LIMS1: variants seen among roughly 807,000 people sequenced by gnomAD.
The protein encoded by LIMS1 is LIM zinc finger domain containing 1.
Under a neutral mutation model 44.1 loss-of-function variants are expected in LIMS1, and 18 were observed. The observed-to-expected ratio is 0.41, with a 90% CI of 0.28 to 0.61. The LOEUF (loss-of-function observed/expected upper bound fraction) is 0.61. LIMS1 is among the 20% of genes least tolerant of loss of function. The pLI, the probability that LIMS1 is intolerant of heterozygous loss-of-function variation, is 0.32. For missense variants in LIMS1, 201 were observed against 422.0 expected (o/e 0.48, Z 4.59); for synonymous variants, 93 against 149.1 (o/e 0.62, Z 2.74).
chr2:108,613,904 A>G (rs2577600), intron 1 of LIMS1, among the ~76,000 whole-genome samples: 94,817 of 151,610 alleles, frequency 0.63, 30,252 homozygotes, highest in East Asian at 0.97. Context: ...CCCTGCTGTC[A>G]GCATCCACTC....
exon 10 of LIMS1, chr2:108,685,187 A>C (rs775437824): frequency 2.6e-5 from 4 of 152,146 alleles, no homozygotes; most frequent in African/African-American, 7.2e-5. Context: ...AATTTGATTT[A>C]TTTACTGTAA....
At position 108,534,822 on chromosome 2, in the gene LIMS1, C is replaced by T. The variant is rs552162882; in HGVS notation, c.32+228C>T. ...TCCCGGGTGTCCGCGGTGGCACAGG[C>T]GCTGACGCCGCCCCGCTGCTCCGAG... On this transcript the variant is annotated intron_variant, in intron 1 of 9. Transcript: ENST00000544547. 1.3e-3 allele frequency among the ~76,000 whole-genome samples: 205 copies of T among 151,966 alleles called. 1 individual carries two copies. The highest frequency in any genetic ancestry group is 4.7e-3 in the African/African-American group (193 of 41,498).
chr2:108,602,794 T>G, intron 1 of LIMS1, among the ~76,000 whole-genome samples: 1 of 152,176 alleles, frequency 6.6e-6, no homozygotes, highest in East Asian at 1.9e-4. Flanking sequence ...TGAGACAGGG[T>G]CTTGCTGTGT....
At chr2:108,583,335 G>A (rs1308641890) in intron 1 of LIMS1, among the ~76,000 whole-genome samples, 1 of 151,912 alleles carries the variant, frequency 6.6e-6, no homozygotes, top group African/African-American at 2.4e-5. Context: ...AAATCACCAC[G>A]CCTGGCCCAA....
At chr2:108,535,909 C>G (rs1046389442) in intron 1 of LIMS1, among the ~76,000 whole-genome samples, 4 of 152,114 alleles carry the variant, frequency 2.6e-5, no homozygotes, top group African/African-American at 9.7e-5. Context: ...GCTCATCGCT[C>G]TATTACAGAA....
chr2:108,642,867 T>C (rs1689798993), intron 1 of LIMS1, among the ~76,000 whole-genome samples: 1 of 152,198 alleles, frequency 6.6e-6, no homozygotes, highest in African/African-American at 2.4e-5. Context: ...ACAGTTGGAA[T>C]CTGAAGCTTT....
At chr2:108,585,779 A>G (rs757260793) in intron 1 of LIMS1, among the ~76,000 whole-genome samples, 1 of 152,162 alleles carries the variant, frequency 6.6e-6, no homozygotes, top group African/African-American at 2.4e-5. Context: ...AAAAATGTCA[A>G]ATGTAAGATA....
chr2:108,684,109 ATATG>A lies in LIMS1; in HGVS notation c.*111_*114del. The A allele has an allele frequency of 5.3e-6, 3 of 568,836 alleles. No individual in the cohort carries two copies. The South Asian group carries it at 7.1e-5, about 13-fold the overall frequency. The allele number at this position is 568,836 out of a possible 1,614,324, so 35.2% of individuals were successfully genotyped here. On this transcript the variant is annotated 3_prime_UTR_variant, in exon 10 of 10. Coordinates refer to ENST00000544547, the Ensembl canonical transcript of LIMS1. ...CAAAGCAGTTGAGAGAAGAGGACCT[ATATG>A]AATGGTTTTATGTCATTTTTTTAAT...
intron 1 of LIMS1, among the ~76,000 whole-genome samples, chr2:108,579,441 A>G (rs1685804200): frequency 6.6e-6 from 1 of 152,190 alleles, no homozygotes; most frequent in Non-Finnish European, 1.5e-5. Context: ...TGTTTTTAAA[A>G]ATTTTATTAA....
Position 108,683,868 on chromosome 2 carries a change from T to A in LIMS1, c.900-17T>A. The A allele has an allele frequency of 2.2e-6, 3 of 1,346,258 alleles. No homozygotes were observed. The highest frequency in any genetic ancestry group is 3.1e-6 in the Non-Finnish European group (3 of 969,414). 83.4% of individuals were successfully genotyped at this position (1,346,258 alleles called of 1,614,324 possible). A position where few individuals can be genotyped will look rare whatever the true frequency, so the allele number is the denominator to read the frequency against. Reference sequence around the variant, plus strand: ...GTTTCCACTAACTTCTTTTTTTTTATAATTTTTTGTCTTTAGGAATAAGTT... The same window carrying A: ...GTTTCCACTAACTTCTTTTTTTTTAAAATTTTTTGTCTTTAGGAATAAGTT... On this transcript the variant is annotated splice_polypyrimidine_tract_variant and intron_variant, in intron 9 of 9. Coordinates refer to ENST00000544547, the Ensembl canonical transcript of LIMS1.
At chr2:108,644,494 C>A (rs1166047231) in intron 1 of LIMS1, among the ~76,000 whole-genome samples, 1 of 152,160 alleles carries the variant, frequency 6.6e-6, no homozygotes, top group East Asian at 1.9e-4. Flanking sequence ...ATCCGAAGGT[C>A]ACCAACTTCA....
Position 108,676,047 on chromosome 2 carries a change from A to G in LIMS1, c.681+19A>G. On this transcript the variant is annotated intron_variant, in intron 6 of 9. Transcript: ENST00000544547. ...TGTGGAGGTGAGTTCTAAATGGCAA[A>G]GGGTAACCAATCCTTTCAAATCTCC... 2 of 1,602,322 alleles carry G rather than the reference A, an allele frequency of 1.2e-6. No homozygotes were observed. Among genetic ancestry groups the G allele is most frequent in the Non-Finnish European group, 1.7e-6 (2 of 1,173,200 alleles).
intron 1 of LIMS1, among the ~76,000 whole-genome samples, chr2:108,599,412 G>GTACCACAT (rs1686883069): frequency 6.6e-6 from 1 of 152,028 alleles, no homozygotes; most frequent in Non-Finnish European, 1.5e-5. Flanking sequence ...TTGTATATAA[G>GTACCACAT]TACCACATTT....
chr2:108,579,371 G>A (rs557088867), intron 1 of LIMS1, among the ~76,000 whole-genome samples: 1 of 152,218 alleles, frequency 6.6e-6, no homozygotes, highest in Non-Finnish European at 1.5e-5. Flanking sequence ...ACTATATAAT[G>A]TTTCCAAGCA....
In LIMS1 at chr2:108,678,345, G is replaced by T. The variant is rs1286094848; in HGVS notation, c.823+318G>T. 6 of 450,020 alleles carry T rather than the reference G, an allele frequency of 1.3e-5. No individual in the cohort carries two copies. In the East Asian group the frequency reaches 2.8e-4, roughly 21 times the overall value. 27.9% of individuals were successfully genotyped at this position (450,020 alleles called of 1,614,324 possible). ...GAAGCTCTAGAACAACGTTTATTAG[G>T]AACAGTTTAATCTGCTATCGTAGTT... On this transcript the variant is annotated intron_variant, in intron 8 of 9. Transcript: ENST00000544547.
intron 1 of LIMS1, among the ~76,000 whole-genome samples, chr2:108,592,440 A>G (rs900098782): frequency 7.9e-5 from 12 of 152,186 alleles, no homozygotes; most frequent in African/African-American, 2.9e-4. Context: ...AAAAATTGAA[A>G]AATAACTTAT....
intron 2 of LIMS1, among the ~76,000 whole-genome samples, chr2:108,669,792 G>A (rs1190080166): frequency 6.6e-6 from 1 of 151,794 alleles, no homozygotes; most frequent in Non-Finnish European, 1.5e-5. Context: ...GTCTTCTAGT[G>A]GAAAGCCATA....
chr2:108,670,080 A>G (rs986912430), intron 2 of LIMS1, among the ~76,000 whole-genome samples: 1 of 152,190 alleles, frequency 6.6e-6, no homozygotes, highest in Non-Finnish European at 1.5e-5. Flanking sequence ...GACAAGTACA[A>G]AAATATACTA....
At chr2:108,647,186 C>T (rs570927400) in intron 1 of LIMS1, among the ~76,000 whole-genome samples, 1 of 152,318 alleles carries the variant, frequency 6.6e-6, no homozygotes, top group African/African-American at 2.4e-5. Flanking sequence ...ACTGTAAACA[C>T]CTCTGCACAA....
Sources: allele counts gnomAD v4.1 joint callset (sites outside exome capture counted in the v4.1 genomes callset), GRCh38; gene constraint gnomAD v4.1.1; transcripts MANE v1.5; gene names NCBI Gene and HGNC (gene_info 2026-07-23, HGNC 2026-07-21).